Variants in BLTP3B observed in about 807,000 individuals in gnomAD.
BLTP3B encodes bridge-like lipid transfer protein family member 3B, also known as UHRF1 (ICBP90) binding protein 1-like.
chr12:100,068,271 G>C, the BLTP3B span, among the ~76,000 whole-genome samples: 1 of 152,170 alleles, frequency 6.6e-6, no homozygotes, highest in Non-Finnish European at 1.5e-5. Flanking sequence ...TCAACAAATG[G>C]TGCTGGGATA....
the BLTP3B span, among the ~76,000 whole-genome samples, chr12:100,079,754 C>A: frequency 1.3e-5 from 2 of 152,206 alleles, no homozygotes; most frequent in Non-Finnish European, 2.9e-5. Flanking sequence ...GTCTTCACGG[C>A]AGCCCCTCCC....
chr12:100,118,406 A>G, the BLTP3B span, among the ~76,000 whole-genome samples: 2 of 152,072 alleles, frequency 1.3e-5, no homozygotes, highest in South Asian at 2.1e-4. Context: ...AAACAAAACA[A>G]AACAAAACAA....
chr12:100,107,800 T>A, the BLTP3B span, among the ~76,000 whole-genome samples: 1 of 152,158 alleles, frequency 6.6e-6, no homozygotes, highest in South Asian at 2.1e-4. Flanking sequence ...AGTGGCACAA[T>A]CATGACTCAC....
chr12:100,118,183 C>T, the BLTP3B span, among the ~76,000 whole-genome samples: 1 of 152,042 alleles, frequency 6.6e-6, no homozygotes, highest in Non-Finnish European at 1.5e-5. Context: ...GCCAGGTCTC[C>T]TCAAAACTTT....
the BLTP3B span, among the ~76,000 whole-genome samples, chr12:100,065,967 T>C: frequency 6.8e-4 from 103 of 152,306 alleles, no homozygotes; most frequent in African/African-American, 2.3e-3. Context: ...CCTACCACCA[T>C]GTGATGTCAC....
the BLTP3B span, among the ~76,000 whole-genome samples, chr12:100,071,802 C>T: frequency 2.4e-3 from 365 of 152,246 alleles, 2 homozygotes; most frequent in African/African-American, 8.3e-3. Flanking sequence ...ACTTCAGTTA[C>T]TTTTTCAATA....
chr12:100,091,183 ATTTTTTTTT>A, the BLTP3B span, among the ~76,000 whole-genome samples: 13 of 81,248 alleles, frequency 1.6e-4, no homozygotes, highest in African/African-American at 7.1e-4. Context: ...CGCCTGGCTA[ATTTTTTTTT>A]TTTTTTTTTT....
At chr12:100,076,996 T>C in the BLTP3B span, among the ~76,000 whole-genome samples, 1 of 152,210 alleles carries the variant, frequency 6.6e-6, no homozygotes, top group Non-Finnish European at 1.5e-5. Flanking sequence ...CTCACAACCA[T>C]GTGGGATTAT....
chr12:100,106,342 T>C, the BLTP3B span, among the ~76,000 whole-genome samples: 1 of 150,770 alleles, frequency 6.6e-6, no homozygotes, highest in African/African-American at 2.4e-5. Flanking sequence ...ATTGCAAAGA[T>C]ATGGAATCAA....
At chr12:100,115,423 T>C in the BLTP3B span, among the ~76,000 whole-genome samples, 1 of 152,020 alleles carries the variant, frequency 6.6e-6, no homozygotes, top group Non-Finnish European at 1.5e-5. Flanking sequence ...AAAATAGTGA[T>C]CATAACTAAA....
chr12:100,090,416 A>C, the BLTP3B span, among the ~76,000 whole-genome samples: 1 of 152,214 alleles, frequency 6.6e-6, no homozygotes, highest in Non-Finnish European at 1.5e-5. Context: ...ATTATCTGAC[A>C]TATGAGCCAC....
chr12:100,095,675 G>A, the BLTP3B span: 1 of 1,610,446 alleles, frequency 6.2e-7, no homozygotes, highest in Non-Finnish European at 8.5e-7. Flanking sequence ...ACCTGTGTAG[G>A]TTCAGGAGCC....
chr12:100,110,002 T>G, the BLTP3B span, among the ~76,000 whole-genome samples: 6 of 152,184 alleles, frequency 3.9e-5, no homozygotes, highest in African/African-American at 1.4e-4. Flanking sequence ...ACACATCTAC[T>G]TTGAAATACA....
At chr12:100,116,117 A>T in the BLTP3B span, among the ~76,000 whole-genome samples, 1 of 150,828 alleles carries the variant, frequency 6.6e-6, no homozygotes, top group Non-Finnish European at 1.5e-5. Flanking sequence ...GGTTGCAGTG[A>T]GCCGAGATGG....
At chr12:100,127,214 TA>T in the BLTP3B span, among the ~76,000 whole-genome samples, 1 of 152,152 alleles carries the variant, frequency 6.6e-6, no homozygotes, top group Non-Finnish European at 1.5e-5. Flanking sequence ...TTTTAAACAA[TA>T]AAAGACCTTA....
the BLTP3B span, among the ~76,000 whole-genome samples, chr12:100,124,939 TATATATATA>T: frequency 4.7e-4 from 13 of 27,714 alleles, no homozygotes; most frequent in Non-Finnish European, 6.7e-5. Flanking sequence ...AAAAATTTTA[TATATATATA>T]TATATATATA....
the BLTP3B span, among the ~76,000 whole-genome samples, chr12:100,133,469 G>C: frequency 2.0e-5 from 3 of 152,152 alleles, no homozygotes; most frequent in Non-Finnish European, 4.4e-5. Flanking sequence ...GGTAAAACAA[G>C]AGTAGTGTTG....
At chr12:100,113,970 T>C in the BLTP3B span, among the ~76,000 whole-genome samples, 1 of 152,194 alleles carries the variant, frequency 6.6e-6, no homozygotes, top group Non-Finnish European at 1.5e-5. Context: ...TACAATATTT[T>C]ATCAGACTTT....
At chr12:100,070,083 C>G in the BLTP3B span, 1 of 1,454,124 alleles carries the variant, frequency 6.9e-7, no homozygotes, top group Non-Finnish European at 9.1e-7. Flanking sequence ...GCTTGAGTTT[C>G]AACTGTGCCA....
Sources: gnomAD v4.1 joint callset for allele counts (sites outside exome capture counted in the v4.1 genomes callset) on GRCh38, gnomAD v4.1.1 for gene constraint, MANE v1.5 for transcripts, NCBI Gene and HGNC (gene_info 2026-07-23, HGNC 2026-07-21) for gene names.